The following RTN4RL2 variants were observed in gnomAD, a reference collection of about 807,000 sequenced individuals.
RTN4RL2 encodes reticulon 4 receptor like 2.
A neutral mutation model predicts 27.8 loss-of-function variants in RTN4RL2; 9 were observed. The ratio of observed to expected loss-of-function variants is 0.32; its 90% CI spans 0.20 to 0.57. RTN4RL2 has a LOEUF of 0.57. RTN4RL2 is among the 20% of genes least tolerant of loss of function. The pLI is 0.90. For synonymous variants in RTN4RL2, 285 were observed against 297.9 expected (o/e 0.96, Z 0.45); for missense variants, 436 against 596.8 (o/e 0.73, Z 2.81).
intron 1 of RTN4RL2, 26 bp downstream of exon 1, chr11:57,460,922 G>A: frequency 8.0e-6 from 11 of 1,374,224 alleles, no homozygotes; most frequent in Non-Finnish European, 1.1e-5. Flanking sequence ...GCGGGAGAGC[G>A]GAGGGCATCC....
Position 57,467,490 on chromosome 11 carries a change from A to T in RTN4RL2, c.32-119A>T, listed in dbSNP as rs1468873068. 1.3e-6 allele frequency: 2 copies of T among 1,496,332 alleles called. No individual in the cohort carries two copies. Among genetic ancestry groups the T allele is most frequent in the Non-Finnish European group, 1.8e-6 (2 of 1,127,632 alleles). 92.7% of individuals were successfully genotyped at this position (1,496,332 alleles called of 1,614,324 possible). On this transcript the variant is annotated intron_variant, in intron 1 of 2. Transcript: ENST00000335099. The surrounding 1 kb of genome is among the most constrained non-coding windows in gnomAD (Gnocchi z 5.5). ...TGGCCTCCCAAAGTGCTGGGATTAC[A>T]GGTGTGAGCCACCATATTCAGCCGG... is the stretch of plus-strand genomic sequence containing the variant.
At position 57,465,008 on chromosome 11, in the gene RTN4RL2, C is replaced by G. The variant is rs373167161; in HGVS notation, c.32-2601C>G. Among the ~76,000 whole-genome samples, 6 of 152,290 alleles carry G rather than the reference C, an allele frequency of 3.9e-5. No homozygotes were observed. In the East Asian group the frequency reaches 9.7e-4, roughly 25 times the overall value. On this transcript the variant is annotated intron_variant, in intron 1 of 2. Coordinates refer to ENST00000335099, the MANE Select transcript of RTN4RL2 (RefSeq NM_178570.3). ...CTACACACGCACGGGGCCCGGCGCTCACACACACGCGGAGGACAGCCAGCA... is the reference window on the plus strand; with the variant it reads ...CTACACACGCACGGGGCCCGGCGCTGACACACACGCGGAGGACAGCCAGCA...
At chr11:57,463,480 G>GT (rs1490182856) in intron 1 of RTN4RL2, among the ~76,000 whole-genome samples, 2 of 152,184 alleles carry the variant, frequency 1.3e-5, no homozygotes, top group Non-Finnish European at 2.9e-5. Context: ...AAGGCGAGCT[G>GT]TAGAGACCTG....
At chr11:57,469,749 C>T (rs762289612) in intron 2 of RTN4RL2, among the ~76,000 whole-genome samples, 7 of 152,170 alleles carry the variant, frequency 4.6e-5, no homozygotes, top group Non-Finnish European at 8.8e-5. Flanking sequence ...CCAGAAATTG[C>T]ACCTCACAGT....
At chr11:57,463,441 T>C (rs77728663) in intron 1 of RTN4RL2, among the ~76,000 whole-genome samples, 19 of 151,888 alleles carry the variant, frequency 1.3e-4, no homozygotes, top group African/African-American at 4.1e-4. Flanking sequence ...AGTGGAGGGA[T>C]GAAATGAAGG....
intron 1 of RTN4RL2, among the ~76,000 whole-genome samples, chr11:57,464,771 C>G (rs1010168059): frequency 5.9e-5 from 9 of 152,172 alleles, no homozygotes; most frequent in Non-Finnish European, 1.3e-4. Context: ...CTCAGGGTCC[C>G]CACTGTGCTT....
rs771416659 is a variant in RTN4RL2 at position 57,476,893 on chromosome 11, G to C, written c.1245G>C (p.Leu415=). The C allele has an allele frequency of 6.4e-7, 1 of 1,572,932 alleles. No individual in the cohort carries two copies. The highest frequency in any genetic ancestry group is 1.1e-5 in the South Asian group (1 of 89,680). The change falls in exon 3 of 3, where the codon CTG becomes CTC. Residue 415 remains leucine, a synonymous_variant. Coordinates refer to ENST00000335099, the MANE Select transcript of RTN4RL2 (RefSeq NM_178570.3). The surrounding 1 kb of genome is among the most constrained non-coding windows in gnomAD (Gnocchi z 8.2). ...LPSPLLCLLL[L]VPHHL is the part of the protein sequence containing the mutation. ...GCCCTCTGCTTTGCCTCCTGCTCCT[G>C]GTGCCCCACCACCTCTGACTGCGGT...
rs1943592917 is a variant in RTN4RL2 at position 57,476,063 on chromosome 11, C to T, written c.514-99C>T. 2.6e-6 allele frequency: 3 copies of T among 1,151,700 alleles called. No homozygotes were observed. The highest frequency in any genetic ancestry group is 1.5e-5 in the South Asian group (1 of 66,758). The allele number at this position is 1,151,700 out of a possible 1,614,324, so 71.3% of individuals were successfully genotyped here. ...AAGGTCAACCCTTTCTCTTCTGCCA[C>T]GGTGCACCCCCTTCCCTCCCCCGGC... is the stretch of plus-strand genomic sequence containing the variant. On this transcript the variant is annotated intron_variant, in intron 2 of 2. Coordinates refer to ENST00000335099, the MANE Select transcript of RTN4RL2 (RefSeq NM_178570.3). The surrounding 1 kb of genome is among the most constrained non-coding windows in gnomAD (Gnocchi z 8.2).
At position 57,473,529 on chromosome 11, in the gene RTN4RL2, G is replaced by A. The variant is rs551547124; in HGVS notation, c.514-2633G>A. Among the ~76,000 whole-genome samples, 5 of 142,910 alleles carry A rather than the reference G, an allele frequency of 3.5e-5. No individual in the cohort carries two copies. The South Asian group carries it at 1.1e-3, about 31-fold the overall frequency. The allele number at this position is 142,910 out of a possible 152,430, so 93.8% of individuals were successfully genotyped here. A position where few individuals can be genotyped will look rare whatever the true frequency, so the allele number is the denominator to read the frequency against. Reference sequence around the variant, plus strand: ...CAAGGGAAATGTGGTTTTTGAAATGGAAGAGGATGACTTTAGCAGAGGCTC... The same window carrying A: ...CAAGGGAAATGTGGTTTTTGAAATGAAAGAGGATGACTTTAGCAGAGGCTC... On this transcript the variant is annotated intron_variant, in intron 2 of 2. Transcript: ENST00000335099.
chr11:57,468,415 T>C, intron 2 of RTN4RL2: 1 of 721,860 alleles, frequency 1.4e-6, no homozygotes, highest in Non-Finnish European at 2.3e-6. Flanking sequence ...CTCACTAACT[T>C]GCCTCCCCCA....
Position 57,460,904 on chromosome 11 carries a change from C to G in RTN4RL2, c.31+8C>G. ...TCAGGCGCCTGCTGCAAGGTAAGAA[C>G]GCCAGCGGCGGGAGAGCGGAGGGCA... On this transcript the variant is annotated splice_region_variant and intron_variant, in intron 1 of 2. Transcript: ENST00000335099. 1 of 1,390,626 alleles carries G rather than the reference C, an allele frequency of 7.2e-7. No individual in the cohort carries two copies. The allele number at this position is 1,390,626 out of a possible 1,614,324, so 86.1% of individuals were successfully genotyped here.
intron 1 of RTN4RL2, among the ~76,000 whole-genome samples, chr11:57,462,303 G>A (rs1368664515): frequency 3.9e-5 from 6 of 152,020 alleles, no homozygotes; most frequent in Non-Finnish European, 5.9e-5. Flanking sequence ...AGGCCCCTGC[G>A]TCACTGGCAT....
At chr11:57,473,995 G>A (rs1170551098) in intron 2 of RTN4RL2, among the ~76,000 whole-genome samples, 1 of 151,278 alleles carries the variant, frequency 6.6e-6, no homozygotes, top group Non-Finnish European at 1.5e-5. Flanking sequence ...TCGATCCTCT[G>A]ACCATACATC....
chr11:57,465,300 A>G (rs562194281), intron 1 of RTN4RL2, among the ~76,000 whole-genome samples: 72 of 152,284 alleles, frequency 4.7e-4, no homozygotes, highest in Middle Eastern at 3.4e-3. Context: ...ATACATACAC[A>G]CATTCACGCA....
At chr11:57,461,450 A>AG (rs1943484366) in intron 1 of RTN4RL2, among the ~76,000 whole-genome samples, 1 of 17,820 alleles carries the variant, frequency 5.6e-5, no homozygotes, top group African/African-American at 2.3e-4. Context: ...TGGGGTGGGG[A>AG]GGGGTCAGGG....
intron 1 of RTN4RL2, among the ~76,000 whole-genome samples, chr11:57,466,140 A>G (rs1943522498): frequency 6.6e-6 from 1 of 151,770 alleles, no homozygotes; most frequent in South Asian, 2.1e-4. Context: ...AGCTGGGACT[A>G]CAGGCGCCCG....
Position 57,467,473 on chromosome 11 carries a change from C to G in RTN4RL2, c.32-136C>G. The G allele has an allele frequency of 6.9e-7, 1 of 1,455,056 alleles. No homozygotes were observed. Among genetic ancestry groups the G allele is most frequent in the South Asian group, 1.4e-5 (1 of 73,110 alleles). 90.1% of individuals were successfully genotyped at this position (1,455,056 alleles called of 1,614,324 possible). The stretch of plus-strand genomic sequence containing the variant: ...AAGCAATCCTCCTGCCTTGGCCTCC[C>G]AAAGTGCTGGGATTACAGGTGTGAG... On this transcript the variant is annotated intron_variant, in intron 1 of 2. Coordinates refer to ENST00000335099, the MANE Select transcript of RTN4RL2 (RefSeq NM_178570.3). This position sits in a 1 kb window ranked among gnomAD's most constrained non-coding sequence, Gnocchi z 5.5.
Position 57,460,604 on chromosome 11 carries a change from G to C in RTN4RL2, c.-262G>C, listed in dbSNP as rs2135112609. The C allele has an allele frequency of 5.5e-6, 1 of 181,902 alleles. No homozygotes were observed. The highest frequency in any genetic ancestry group is 1.5e-4 in the East Asian group (1 of 6,612). The allele number at this position is 181,902 out of a possible 1,614,324, so 11.3% of individuals were successfully genotyped here. ...CTCGAGCGGACAGCGCAGCTAGCGG[G>C]GCGCGGGCGCTGGGCGTCGACGGCC... On this transcript the variant is annotated 5_prime_UTR_variant, in exon 1 of 3. Coordinates refer to ENST00000335099, the MANE Select transcript of RTN4RL2 (RefSeq NM_178570.3).
intron 1 of RTN4RL2, among the ~76,000 whole-genome samples, chr11:57,465,817 G>A (rs186217173): frequency 1.5e-3 from 227 of 151,172 alleles, no homozygotes; most frequent in Non-Finnish European, 2.9e-3. Flanking sequence ...AATAAGGATG[G>A]ATCATATCCA....
Sources: allele counts gnomAD v4.1 joint callset (sites outside exome capture counted in the v4.1 genomes callset), GRCh38; gene constraint gnomAD v4.1.1; non-coding constraint Gnocchi (gnomAD v3.1); transcripts MANE v1.5; gene names NCBI Gene and HGNC (gene_info 2026-07-23, HGNC 2026-07-21).